The following SYN3 variants were observed in gnomAD, a reference collection of about 807,000 sequenced individuals.
SYN3 encodes the protein synapsin-3.
A neutral mutation model predicts 65.8 loss-of-function variants in SYN3; 35 were observed. That is an observed-to-expected ratio of 0.53 (90% CI 0.41 to 0.70). The LOEUF (loss-of-function observed/expected upper bound fraction) is 0.70. Ranked by LOEUF, SYN3 falls within the 30% of genes least tolerant of loss-of-function variation. The pLI, the probability that SYN3 is intolerant of heterozygous loss-of-function variation, is 0.00. For missense variants in SYN3, 680 were observed against 749.0 expected (o/e 0.91, Z 1.08); for synonymous variants, 270 against 292.9 (o/e 0.92, Z 0.80).
intron 3 of SYN3, among the ~76,000 whole-genome samples, chr22:32,949,132 C>G (rs892325177): frequency 3.3e-5 from 5 of 151,974 alleles, no homozygotes; most frequent in Non-Finnish European, 7.4e-5. Context: ...GGATTTTGGC[C>G]GGGCACAGCA....
chr22:32,920,793 G>A (rs926152805), intron 4 of SYN3, among the ~76,000 whole-genome samples: 8 of 152,098 alleles, frequency 5.3e-5, no homozygotes, highest in Non-Finnish European at 1.0e-4. Context: ...TTGCTGAAAG[G>A]TTTCTGCTTG....
rs2052068201 is a variant in SYN3 at position 32,973,021 on chromosome 22, A to G, written c.369+7624T>C. Among the ~76,000 whole-genome samples the G allele has an allele frequency of 2.0e-5, 3 of 152,082 alleles. No individual in the cohort carries two copies. In the South Asian group the frequency reaches 6.2e-4, roughly 32 times the overall value. ...GGGACCCTGTCTCAAAAACTAAACA[A>G]AACAAAACAACAGCAACAACAAAAA... On this transcript the variant is annotated intron_variant, in intron 3 of 13. Transcript: ENST00000358763.
chr22:32,525,602 C>T (rs918408463), intron 12 of SYN3, among the ~76,000 whole-genome samples: 6 of 150,612 alleles, frequency 4.0e-5, no homozygotes, highest in South Asian at 2.1e-4. Context: ...CCCAGCTACT[C>T]GGGAGGCTGA....
At chr22:32,919,998 A>T (rs2050293567) in intron 4 of SYN3, among the ~76,000 whole-genome samples, 1 of 152,134 alleles carries the variant, frequency 6.6e-6, no homozygotes, top group Non-Finnish European at 1.5e-5. Flanking sequence ...TCCTCCCTAC[A>T]AACAGTAAGC....
intron 6 of SYN3, among the ~76,000 whole-genome samples, chr22:32,724,300 C>T (rs118080416): frequency 0.017 from 2,589 of 152,134 alleles, 29 homozygotes; most frequent in Middle Eastern, 0.024. Flanking sequence ...CTATGTTGCC[C>T]AGGGTGGCCT....
At chr22:32,756,422 TA>T (rs1218869358) in intron 6 of SYN3, among the ~76,000 whole-genome samples, 1 of 152,202 alleles carries the variant, frequency 6.6e-6, no homozygotes, top group Non-Finnish European at 1.5e-5. Context: ...TAAAGTATAA[TA>T]AAAAATAATA....
In SYN3 at chr22:32,899,552, G is replaced by T. The variant is rs546405167; in HGVS notation, c.462-30427C>A. Among the ~76,000 whole-genome samples the T allele has an allele frequency of 3.3e-5, 5 of 152,196 alleles. No individual in the cohort carries two copies. The South Asian group carries it at 1.0e-3, about 32-fold the overall frequency. On this transcript the variant is annotated intron_variant, in intron 4 of 13. Coordinates refer to ENST00000358763, the MANE Select transcript of SYN3 (RefSeq NM_003490.4). ...TGATGGAGGTTATGGGCCCACCAGTGGCCTCTATATGGCTTTATCTAGAGC... is the reference window on the plus strand; with the variant it reads ...TGATGGAGGTTATGGGCCCACCAGTTGCCTCTATATGGCTTTATCTAGAGC...
chr22:32,959,171 T>C (rs1452902193), intron 3 of SYN3, among the ~76,000 whole-genome samples: 1 of 152,164 alleles, frequency 6.6e-6, no homozygotes, highest in East Asian at 1.9e-4. Context: ...CTCATGGTAG[T>C]TGATAAGTTT....
chr22:32,523,386 A>C (rs2057921298), intron 12 of SYN3, among the ~76,000 whole-genome samples: 2 of 152,046 alleles, frequency 1.3e-5, no homozygotes, highest in South Asian at 4.1e-4. Flanking sequence ...GGTGGCATGC[A>C]CCTGCAGTCC....
At chr22:33,006,023 T>A (rs551287459) in intron 2 of SYN3, among the ~76,000 whole-genome samples, 1 of 152,326 alleles carries the variant, frequency 6.6e-6, no homozygotes, top group African/African-American at 2.4e-5. Flanking sequence ...AGTATAATTA[T>A]AGCCTCACTT....
chr22:32,818,072 T>G (rs2047134820), intron 6 of SYN3, among the ~76,000 whole-genome samples: 1 of 152,230 alleles, frequency 6.6e-6, no homozygotes, highest in African/African-American at 2.4e-5. Context: ...AGAGTATCAC[T>G]GAGTCAATAA....
chr22:32,522,340 C>T (rs960902118), intron 12 of SYN3, among the ~76,000 whole-genome samples: 1 of 152,050 alleles, frequency 6.6e-6, no homozygotes, highest in African/African-American at 2.4e-5. Flanking sequence ...GCCTCATTTC[C>T]CTTAAAATAA....
At chr22:32,539,098 G>C (rs1391975301) in intron 8 of SYN3, among the ~76,000 whole-genome samples, 1 of 152,156 alleles carries the variant, frequency 6.6e-6, no homozygotes, top group Non-Finnish European at 1.5e-5. Flanking sequence ...TTTGTCTTAC[G>C]GTCAAGGGAA....
At chr22:32,639,733 G>T (rs1251744639) in intron 6 of SYN3, among the ~76,000 whole-genome samples, 1 of 152,122 alleles carries the variant, frequency 6.6e-6, no homozygotes, top group African/African-American at 2.4e-5. Flanking sequence ...GTTTTGTAAA[G>T]GCAGGGTCTT....
chr22:32,818,826 A>G (rs1176294732), intron 6 of SYN3, among the ~76,000 whole-genome samples: 3 of 152,174 alleles, frequency 2.0e-5, no homozygotes, highest in Non-Finnish European at 4.4e-5. Flanking sequence ...GGGCTCAGAG[A>G]CCAGGAGGAA....
chr22:32,534,556 C>T (rs1302621541), intron 9 of SYN3, among the ~76,000 whole-genome samples: 2 of 152,214 alleles, frequency 1.3e-5, no homozygotes, highest in African/African-American at 2.4e-5. Flanking sequence ...GTTTGCTTTG[C>T]TGGGGACAGA....
At chr22:33,032,366 G>A (rs2053770776) in intron 1 of SYN3, among the ~76,000 whole-genome samples, 2 of 152,030 alleles carry the variant, frequency 1.3e-5, no homozygotes, top group African/African-American at 4.8e-5. Flanking sequence ...AAATTAGCTG[G>A]GCCTGGTGGT....
chr22:32,689,548 CA>C (rs2060635605), intron 6 of SYN3, among the ~76,000 whole-genome samples: 1 of 152,176 alleles, frequency 6.6e-6, no homozygotes, highest in African/African-American at 2.4e-5. Context: ...TGGGGAGGCA[CA>C]AATAGGAACT....
intron 10 of SYN3, 156 bp from the exon 11 acceptor site, chr22:32,529,164 CAG>C: frequency 1.2e-6 from 1 of 844,364 alleles, no homozygotes; most frequent in Non-Finnish European, 1.8e-6. Flanking sequence ...GACTGGCCGG[CAG>C]CGACATCAGT....
Sources: allele counts gnomAD v4.1 joint callset (sites outside exome capture counted in the v4.1 genomes callset), GRCh38; gene constraint gnomAD v4.1.1; transcripts MANE v1.5; gene names NCBI Gene and HGNC (gene_info 2026-07-23, HGNC 2026-07-21).